Variants in FBLN5 observed in about 807,000 individuals in gnomAD.
The protein encoded by FBLN5 is fibulin 5, also known as fibulin-5.
Under a neutral mutation model 61.6 loss-of-function variants are expected in FBLN5, and 24 were observed. The ratio of observed to expected loss-of-function variants is 0.39; its 90% CI spans 0.28 to 0.55. FBLN5 has a LOEUF of 0.55. Ranked by LOEUF, FBLN5 falls within the 20% of genes least tolerant of loss-of-function variation. The pLI is 0.65. For synonymous variants in FBLN5, 213 were observed against 219.8 expected, an observed-to-expected ratio of 0.97 and a Z score of 0.27; for missense variants, 470 against 594.1, an observed-to-expected ratio of 0.79 and a Z score of 2.17.
intron 10 of FBLN5, 141 bp downstream of exon 10, chr14:91,877,346 C>T (rs1402368724): frequency 1.4e-6 from 1 of 737,982 alleles, no homozygotes; most frequent in Admixed American, 1.9e-5. Context: ...AAACCAGGAC[C>T]TTGAACCACA....
At chr14:91,900,226 C>T (rs1309445137) in intron 4 of FBLN5, among the ~76,000 whole-genome samples, 2 of 152,160 alleles carry the variant, frequency 1.3e-5, no homozygotes, top group East Asian at 3.9e-4. Context: ...AGTATTAACT[C>T]ACAGATTATT....
chr14:91,945,296 C>T (rs1386798187), intron 1 of FBLN5, among the ~76,000 whole-genome samples: 1 of 151,370 alleles, frequency 6.6e-6, no homozygotes, highest in African/African-American at 2.4e-5. Context: ...TTCAGTTCAA[C>T]AGCAGTTTAT....
At chr14:91,938,752 G>C (rs2056060652) in intron 3 of FBLN5, among the ~76,000 whole-genome samples, 1 of 152,210 alleles carries the variant, frequency 6.6e-6, no homozygotes, top group South Asian at 2.1e-4. Context: ...TCTGTGCGGG[G>C]CTAGAGACTG....
At chr14:91,890,657 C>A (rs894257441) in intron 6 of FBLN5, among the ~76,000 whole-genome samples, 1 of 152,208 alleles carries the variant, frequency 6.6e-6, no homozygotes, top group Non-Finnish European at 1.5e-5. Flanking sequence ...TTGTTTCAGT[C>A]TGGTTTTGTG....
At chr14:91,924,834 G>A (rs2055800293) in intron 4 of FBLN5, among the ~76,000 whole-genome samples, 1 of 152,100 alleles carries the variant, frequency 6.6e-6, no homozygotes, top group African/African-American at 2.4e-5. Context: ...GTTGCCCCAG[G>A]AGTCCTGTCC....
intron 4 of FBLN5, among the ~76,000 whole-genome samples, chr14:91,927,084 C>T (rs1023161166): frequency 6.6e-6 from 1 of 152,198 alleles, no homozygotes; most frequent in Non-Finnish European, 1.5e-5. Flanking sequence ...AAATGAAGAT[C>T]TCCATTTTTC....
At chr14:91,890,809 G>C (rs536334113) in intron 6 of FBLN5, among the ~76,000 whole-genome samples, 1 of 152,232 alleles carries the variant, frequency 6.6e-6, no homozygotes. Flanking sequence ...GCATGGATGT[G>C]TTTATTTTAT....
intron 4 of FBLN5, among the ~76,000 whole-genome samples, chr14:91,925,077 T>C (rs1204866763): frequency 6.6e-6 from 1 of 152,234 alleles, no homozygotes; most frequent in Admixed American, 6.5e-5. Flanking sequence ...CTGTCTGACC[T>C]CACTGATTCC....
At chr14:91,893,107 A>G (rs1292431111) in intron 5 of FBLN5, among the ~76,000 whole-genome samples, 2 of 151,532 alleles carry the variant, frequency 1.3e-5, no homozygotes, top group South Asian at 2.1e-4. Flanking sequence ...TTGTGGTGGG[A>G]AAAAAAAACT....
At chr14:91,887,115 A>T in intron 7 of FBLN5, 78 bp downstream of exon 7, 2 of 1,509,682 alleles carry the variant, frequency 1.3e-6, no homozygotes, top group Non-Finnish European at 1.8e-6. Context: ...GGAAACACCT[A>T]TGAAGGAAGC....
intron 4 of FBLN5, among the ~76,000 whole-genome samples, chr14:91,908,986 C>T (rs373095353): frequency 3.9e-5 from 6 of 151,916 alleles, no homozygotes; most frequent in East Asian, 1.9e-4. Flanking sequence ...GGCGCAATCT[C>T]GGCTCACCGC....
At chr14:91,902,741 G>A (rs1890511580) in intron 4 of FBLN5, among the ~76,000 whole-genome samples, 1 of 152,214 alleles carries the variant, frequency 6.6e-6, no homozygotes, top group African/African-American at 2.4e-5. Context: ...ACTGTTCCAA[G>A]TGGGATTTGG....
At position 91,882,839 on chromosome 14, in the gene FBLN5, C is replaced by T. The variant is rs1889538299; in HGVS notation, c.862+115G>A. ...ACCAGCACCCACTCACACCCCCACCCCTGCCACCTTCCCAAAGCTGCACAT... is the reference window on the plus strand; with the variant it reads ...ACCAGCACCCACTCACACCCCCACCTCTGCCACCTTCCCAAAGCTGCACAT... On this transcript the variant is annotated intron_variant, in intron 8 of 10. Transcript: ENST00000342058. The surrounding 1 kb of genome is among the most constrained non-coding windows in gnomAD (Gnocchi z 4.9). 8.0e-6 allele frequency: 10 copies of T among 1,254,718 alleles called. No individual in the cohort carries two copies. Among genetic ancestry groups the T allele is most frequent in the Non-Finnish European group, 1.1e-5 (10 of 884,360 alleles). 77.7% of individuals were successfully genotyped at this position (1,254,718 alleles called of 1,614,324 possible). A position where few individuals can be genotyped will look rare whatever the true frequency, so the allele number is the denominator to read the frequency against.
At chr14:91,886,322 GAGAA>G (rs1226673675) in intron 7 of FBLN5, among the ~76,000 whole-genome samples, 2 of 152,220 alleles carry the variant, frequency 1.3e-5, no homozygotes, top group Non-Finnish European at 2.9e-5. Flanking sequence ...GGAAAAGAGA[GAGAA>G]AGAAAGAAAA....
intron 8 of FBLN5, 41 bp from the exon 9 acceptor site, chr14:91,881,459 T>TTGGCC (rs771449787): frequency 6.2e-7 from 1 of 1,613,438 alleles, no homozygotes; most frequent in Non-Finnish European, 8.5e-7. Flanking sequence ...CAGGGCATTA[T>TTGGCC]TGGCCAGGCC....
At chr14:91,937,239 C>T (rs772254639) in intron 3 of FBLN5, 38 bp from the exon 4 acceptor site, 1 of 1,613,476 alleles carries the variant, frequency 6.2e-7, no homozygotes, top group Non-Finnish European at 8.5e-7. Flanking sequence ...AGTGGCACCC[C>T]AACTGCCTTG....
chr14:91,920,035 C>T (rs17732513), intron 4 of FBLN5, among the ~76,000 whole-genome samples: 42,258 of 152,044 alleles, frequency 0.28, 6,594 homozygotes, highest in East Asian at 0.36. Context: ...AACTTATTAG[C>T]GTGCGTGTGG....
chr14:91,881,249 C>G (rs1889444463), intron 9 of FBLN5, 43 bp downstream of exon 9: 1 of 1,611,968 alleles, frequency 6.2e-7, no homozygotes, highest in African/African-American at 1.3e-5. Context: ...CTGAGCCAGG[C>G]CCTCATCAGG....
intron 4 of FBLN5, among the ~76,000 whole-genome samples, chr14:91,898,516 C>T (rs1263365979): frequency 1.3e-5 from 2 of 152,144 alleles, no homozygotes; most frequent in Non-Finnish European, 2.9e-5. Context: ...CACATTCCAG[C>T]TCACAGCGGA....
Sources: allele counts gnomAD v4.1 joint callset (sites outside exome capture counted in the v4.1 genomes callset), GRCh38; gene constraint gnomAD v4.1.1; non-coding constraint Gnocchi (gnomAD v3.1); transcripts MANE v1.5; gene names NCBI Gene and HGNC (gene_info 2026-07-23, HGNC 2026-07-21).